ARHGEF12: variants seen among roughly 807,000 people sequenced by gnomAD.
The protein encoded by ARHGEF12 is Rho guanine nucleotide exchange factor 12, also known as KMT2A/ARHGEF12 fusion protein.
In ARHGEF12, 66 loss-of-function variants were observed where a neutral mutation model predicts 211.2. The observed-to-expected ratio is 0.31, with a 90% CI of 0.26 to 0.38. ARHGEF12 has a LOEUF of 0.38. ARHGEF12 is among the 10% of genes least tolerant of loss of function. The pLI is 1.00. For synonymous variants in ARHGEF12, 592 were observed against 638.4 expected (o/e 0.93, Z 1.09); for missense variants, 1,429 against 1,869.5 (o/e 0.76, Z 4.34).
In ARHGEF12 at chr11:120,358,164, A is replaced by T. The variant is rs575932914; in HGVS notation, c.32+20889A>T. 2.0e-5 allele frequency among the ~76,000 whole-genome samples: 3 copies of T among 152,340 alleles called. No homozygotes were observed. In the East Asian group the frequency reaches 5.8e-4, roughly 29 times the overall value. On this transcript the variant is annotated intron_variant, in intron 1 of 40. Coordinates refer to ENST00000397843, the MANE Select transcript of ARHGEF12 (RefSeq NM_015313.3). Reference sequence around the variant, plus strand: ...CGTGAAGAAAGGATTAGTCTTGAGCAACAGTTTCAGGGGCAGAGAAACCAA... The same window carrying T: ...CGTGAAGAAAGGATTAGTCTTGAGCTACAGTTTCAGGGGCAGAGAAACCAA...
At chr11:120,389,020 G>A (rs1944128114) in intron 1 of ARHGEF12, among the ~76,000 whole-genome samples, 2 of 151,924 alleles carry the variant, frequency 1.3e-5, no homozygotes, top group African/African-American at 4.8e-5. Context: ...CCACCACCAT[G>A]CCTGGCTAAT....
rs1947187980 is a variant in ARHGEF12, at chr11:120,480,146, G to A, written c.3953G>A (p.Gly1318Glu). 3 of 1,614,200 alleles carry A rather than the reference G, an allele frequency of 1.9e-6. No homozygotes were observed. Among genetic ancestry groups the A allele is most frequent in the Non-Finnish European group, 8.5e-7 (1 of 1,180,036 alleles). ...GAAGGACATATGCCCTTTAGAACTG[G>A]AACTGGTGACATTGCAACTTGTTAC... ...SGEGHMPFRT[G>E]TGDIATCYSP... Residue 1318 changes from glycine (G) to glutamate (E), a missense_variant, in exon 38 of 41, where the codon GGA becomes GAA. Physicochemically the swap from Gly to Glu is moderately conservative, Grantham distance 98 (BLOSUM62 -2). Around this residue, in one of 7 missense-constraint regions of ARHGEF12, gnomAD observed 467 missense variants for 468.4 expected, o/e 1.00. Transcript: ENST00000397843.
intron 37 of ARHGEF12, 84 bp from the exon 38 acceptor site, chr11:120,479,876 G>A: frequency 2.7e-6 from 3 of 1,101,662 alleles, no homozygotes; most frequent in Non-Finnish European, 2.7e-6. Flanking sequence ...ATAGATCATT[G>A]GTAAGTCAGC....
intron 38 of ARHGEF12, among the ~76,000 whole-genome samples, chr11:120,480,735 A>G (rs1414722933): frequency 1.3e-5 from 2 of 151,738 alleles, no homozygotes; most frequent in Non-Finnish European, 2.9e-5. Context: ...AGGAAGAAAC[A>G]TAAGTCAGAC....
intron 12 of ARHGEF12, among the ~76,000 whole-genome samples, chr11:120,437,835 G>A (rs916883521): frequency 3.9e-5 from 6 of 152,060 alleles, no homozygotes; most frequent in Admixed American, 6.6e-5. Flanking sequence ...ATGTTTATCC[G>A]TTCATGACTG....
intron 1 of ARHGEF12, among the ~76,000 whole-genome samples, chr11:120,376,228 T>G (rs1048767101): frequency 2.0e-5 from 3 of 152,176 alleles, no homozygotes; most frequent in South Asian, 2.1e-4. Context: ...TTAAATTTTT[T>G]TTTTTACAAA....
intron 7 of ARHGEF12, among the ~76,000 whole-genome samples, chr11:120,425,822 T>A (rs1286944147): frequency 6.6e-6 from 1 of 151,348 alleles, no homozygotes; most frequent in East Asian, 1.9e-4. Flanking sequence ...AAAAAAGGAA[T>A]TAAAAAAAGA....
intron 25 of ARHGEF12, 153 bp downstream of exon 25, chr11:120,458,387 C>A: frequency 1.4e-6 from 1 of 708,788 alleles, no homozygotes; most frequent in Non-Finnish European, 2.2e-6. Context: ...TCCTTGAACT[C>A]AAGAAAATGC....
chr11:120,357,320 A>C (rs1429978784), intron 1 of ARHGEF12, among the ~76,000 whole-genome samples: 1 of 152,050 alleles, frequency 6.6e-6, no homozygotes, highest in Non-Finnish European at 1.5e-5. Context: ...CTTAAACACT[A>C]TCCTATACTG....
At chr11:120,472,919 T>A (rs752468600) in intron 30 of ARHGEF12, 131 bp from the exon 31 acceptor site, 1 of 701,144 alleles carries the variant, frequency 1.4e-6, no homozygotes, top group Non-Finnish European at 2.5e-6. Context: ...CCTCCCAAAG[T>A]GCTGAGATTA....
At chr11:120,446,198 A>T (rs1423881992) in intron 16 of ARHGEF12, among the ~76,000 whole-genome samples, 2 of 140,366 alleles carry the variant, frequency 1.4e-5, no homozygotes, top group East Asian at 2.1e-4. Context: ...ACTCCATCTC[A>T]AATAATAATA....
chr11:120,336,719 G>C lies in ARHGEF12; in HGVS notation c.-525G>C, dbSNP rs1942361590. Reference sequence around the variant, plus strand: ...AGAAGGAGCCCCGGGCCCGGGACATGGAATCGCGCGAGCCCGGCGCGGGAC... The same window carrying C: ...AGAAGGAGCCCCGGGCCCGGGACATCGAATCGCGCGAGCCCGGCGCGGGAC... On this transcript the variant is annotated 5_prime_UTR_variant, in exon 1 of 41. An upstream start codon of the reference 5' UTR is lost. Transcript: ENST00000397843. 6.6e-6 allele frequency among the ~76,000 whole-genome samples: 1 copy of C among 152,124 alleles called. No individual in the cohort carries two copies. Among genetic ancestry groups the C allele is most frequent in the African/African-American group, 2.4e-5 (1 of 41,460 alleles).
At chr11:120,438,835 T>C (rs1444268258) in intron 12 of ARHGEF12, 2 of 152,216 alleles carry the variant, frequency 1.3e-5, no homozygotes, top group African/African-American at 4.8e-5. Flanking sequence ...TGTATGTATG[T>C]ATGTATTTAT....
chr11:120,387,578 A>G (rs1469790723), intron 1 of ARHGEF12, among the ~76,000 whole-genome samples: 1 of 152,158 alleles, frequency 6.6e-6, no homozygotes, highest in Non-Finnish European at 1.5e-5. Flanking sequence ...CTTAAAAAGA[A>G]GAACACCTAC....
chr11:120,485,090 T>C lies in ARHGEF12; in HGVS notation c.*13T>C, dbSNP rs376926520. The C allele has an allele frequency of 1.2e-6, 2 of 1,613,464 alleles. No individual in the cohort carries two copies. The highest frequency in any genetic ancestry group is 2.7e-5 in the African/African-American group (2 of 74,926). On this transcript the variant is annotated 3_prime_UTR_variant, in exon 41 of 41. Coordinates refer to ENST00000397843, the MANE Select transcript of ARHGEF12 (RefSeq NM_015313.3). ...AGATAAAAGTTAGAGCCGCATGTCC[T>C]GGAGGTGACTGCAGGTTGTTGGATT...
At chr11:120,397,476 G>C (rs907825370) in intron 1 of ARHGEF12, among the ~76,000 whole-genome samples, 3 of 152,092 alleles carry the variant, frequency 2.0e-5, no homozygotes, top group Non-Finnish European at 4.4e-5. Context: ...TAGAACTTGG[G>C]TTACAAGGAT....
chr11:120,361,448 C>T (rs769913349), intron 1 of ARHGEF12, among the ~76,000 whole-genome samples: 6 of 152,154 alleles, frequency 3.9e-5, no homozygotes, highest in East Asian at 1.9e-4. Flanking sequence ...CCACTAAATC[C>T]GTCCCTGGTG....
chr11:120,417,206 G>T (rs1945057335), intron 4 of ARHGEF12, among the ~76,000 whole-genome samples: 1 of 151,998 alleles, frequency 6.6e-6, no homozygotes, highest in Non-Finnish European at 1.5e-5. Context: ...CCTGTTCTCT[G>T]CAGGCATCTG....
intron 4 of ARHGEF12, among the ~76,000 whole-genome samples, chr11:120,420,429 A>G (rs1204069220): frequency 6.6e-6 from 1 of 152,218 alleles, no homozygotes; most frequent in Non-Finnish European, 1.5e-5. Context: ...TTTTTACTAC[A>G]GAGAAATAGC....
Sources: gnomAD v4.1 joint callset for allele counts (sites outside exome capture counted in the v4.1 genomes callset) on GRCh38, gnomAD v4.1.1 for gene constraint, gnomAD v4.1.1 regional missense constraint, MANE v1.5 for transcripts, NCBI Gene and HGNC (gene_info 2026-07-23, HGNC 2026-07-21) for gene names.